The following CPNE8 variants were observed in gnomAD, a reference collection of about 807,000 sequenced individuals.
CPNE8 encodes copine-8.
A neutral mutation model predicts 81.5 loss-of-function variants in CPNE8; 45 were observed. The ratio of observed to expected loss-of-function variants is 0.55; its 90% CI spans 0.44 to 0.71. The LOEUF is 0.71. Ranked by LOEUF, CPNE8 falls within the 30% of genes least tolerant of loss-of-function variation. CPNE8 has a pLI of 0.00. For synonymous variants in CPNE8, 252 were observed against 226.3 expected, an observed-to-expected ratio of 1.11 and a Z score of -1.02; for missense variants, 594 against 672.1, an observed-to-expected ratio of 0.88 and a Z score of 1.28.
chr12:38,902,423 A>AAGAAAGAAAGAAAG (rs1944503868), intron 1 of CPNE8, among the ~76,000 whole-genome samples: 2 of 118,084 alleles, frequency 1.7e-5, no homozygotes, highest in Non-Finnish European at 3.2e-5. Context: ...AAGAAAAAGA[A>AAGAAAGAAAGAAAG]AGAAAGAAAG....
chr12:38,693,952 T>A (rs983042774), intron 14 of CPNE8, 114 bp from the exon 15 acceptor site: 1 of 706,800 alleles, frequency 1.4e-6, no homozygotes, highest in Non-Finnish European at 2.2e-6. Context: ...TTTCTGCCTA[T>A]ATACAGTGTG....
At chr12:38,811,853 C>G (rs78454942) in intron 6 of CPNE8, among the ~76,000 whole-genome samples, 1,977 of 152,300 alleles carry the variant, frequency 0.013, 49 homozygotes, top group African/African-American at 0.044. Flanking sequence ...ACCTGGGTGA[C>G]AGAGCAAGAT....
At chr12:38,785,635 G>A (rs752675831) in intron 6 of CPNE8, among the ~76,000 whole-genome samples, 4 of 152,242 alleles carry the variant, frequency 2.6e-5, no homozygotes, top group East Asian at 1.9e-4. Context: ...CCCCAGCCAC[G>A]TGGAACTATG....
chr12:38,762,650 T>C (rs1231670328), intron 8 of CPNE8, among the ~76,000 whole-genome samples: 1 of 152,174 alleles, frequency 6.6e-6, no homozygotes, highest in African/African-American at 2.4e-5. Flanking sequence ...ACTTTTAGTC[T>C]AGCTGTGAAG....
intron 19 of CPNE8, among the ~76,000 whole-genome samples, chr12:38,655,739 G>C (rs554681333): frequency 6.6e-6 from 1 of 152,084 alleles, no homozygotes; most frequent in Non-Finnish European, 1.5e-5. Context: ...ATTAGGTATA[G>C]TGCCTTTTAT....
At chr12:38,710,614 C>T (rs141262552) in intron 13 of CPNE8, among the ~76,000 whole-genome samples, 1 of 152,126 alleles carries the variant, frequency 6.6e-6, no homozygotes, top group Non-Finnish European at 1.5e-5. Context: ...GCAACCCATG[C>T]CATTTTCTAC....
intron 7 of CPNE8, among the ~76,000 whole-genome samples, chr12:38,774,994 C>T (rs1035569587): frequency 6.6e-6 from 1 of 152,150 alleles, no homozygotes; most frequent in South Asian, 2.1e-4. Flanking sequence ...CCCCCAGAAT[C>T]CCAAAGGTAT....
chr12:38,710,818 T>C (rs1940236578), intron 13 of CPNE8, among the ~76,000 whole-genome samples: 1 of 152,188 alleles, frequency 6.6e-6, no homozygotes. Context: ...GTAATATATC[T>C]TATGCATATG....
chr12:38,802,395 C>T (rs1592104276), intron 6 of CPNE8, among the ~76,000 whole-genome samples: 1 of 28,334 alleles, frequency 3.5e-5, no homozygotes, highest in East Asian at 7.7e-4. Context: ...GAACAACCTG[C>T]TCCTGAATGA....
At chr12:38,682,739 TA>T (rs1371104906) in intron 16 of CPNE8, among the ~76,000 whole-genome samples, 1 of 152,148 alleles carries the variant, frequency 6.6e-6, no homozygotes, top group Non-Finnish European at 1.5e-5. Context: ...ATCAAATTAG[TA>T]ATAGACACAT....
chr12:38,867,337 TGTGAGAGA>T (rs1207975228), intron 3 of CPNE8, among the ~76,000 whole-genome samples: 325 of 137,234 alleles, frequency 2.4e-3, no homozygotes, highest in African/African-American at 8.3e-3. Context: ...TGTGTGTGTG[TGTGAGAGA>T]GAGAGAGAGA....
chr12:38,773,032 C>A (rs1157072821), intron 7 of CPNE8, among the ~76,000 whole-genome samples: 1 of 151,898 alleles, frequency 6.6e-6, no homozygotes. Context: ...GCCTGGAAGA[C>A]ACTATATAAG....
At chr12:38,852,114 A>G (rs1227408098) in intron 3 of CPNE8, among the ~76,000 whole-genome samples, 3 of 151,984 alleles carry the variant, frequency 2.0e-5, no homozygotes, top group African/African-American at 7.3e-5. Flanking sequence ...TAAAACTTAT[A>G]TTTTGCTACT....
intron 1 of CPNE8, among the ~76,000 whole-genome samples, chr12:38,891,132 T>C (rs1462425072): frequency 6.6e-6 from 1 of 151,884 alleles, no homozygotes; most frequent in East Asian, 1.9e-4. Context: ...GGTTTTACCC[T>C]GTTGTCCAGG....
chr12:38,783,575 T>C (rs1194419658), intron 6 of CPNE8, among the ~76,000 whole-genome samples: 1 of 152,124 alleles, frequency 6.6e-6, no homozygotes, highest in Non-Finnish European at 1.5e-5. Context: ...AGGGAGCATT[T>C]AAACTAGTCT....
intron 7 of CPNE8, among the ~76,000 whole-genome samples, chr12:38,774,939 A>G (rs1941895751): frequency 6.6e-6 from 1 of 152,030 alleles, no homozygotes; most frequent in Non-Finnish European, 1.5e-5. Context: ...ATTTCCACTC[A>G]TCTGTTATTA....
chr12:38,795,558 A>G (rs1178406554), intron 6 of CPNE8, among the ~76,000 whole-genome samples: 1 of 152,194 alleles, frequency 6.6e-6, no homozygotes, highest in Non-Finnish European at 1.5e-5. Context: ...AAAGGCAGAA[A>G]TCCCATAACA....
At chr12:38,905,336 T>A in intron 1 of CPNE8, 101 bp downstream of exon 1, 2 of 1,368,886 alleles carry the variant, frequency 1.5e-6, no homozygotes, top group South Asian at 2.6e-5. Context: ...ATGGCGCAAC[T>A]TCTTGCCTGC....
At chr12:38,830,721 A>G (rs1943272491) in intron 5 of CPNE8, among the ~76,000 whole-genome samples, 1 of 152,238 alleles carries the variant, frequency 6.6e-6, no homozygotes, top group African/African-American at 2.4e-5. Flanking sequence ...AGTTTTACAG[A>G]GAAATGACTG....
Sources: gnomAD v4.1 joint callset for allele counts (sites outside exome capture counted in the v4.1 genomes callset) on GRCh38, gnomAD v4.1.1 for gene constraint, MANE v1.5 for transcripts, NCBI Gene and HGNC (gene_info 2026-07-23, HGNC 2026-07-21) for gene names.